Variants in ADIPOR1 observed in about 807,000 individuals in gnomAD.
ADIPOR1 encodes the protein adiponectin receptor 1.
In ADIPOR1, 15 loss-of-function variants were observed where a neutral mutation model predicts 37.5. The observed-to-expected ratio is 0.40, with a 90% CI of 0.27 to 0.62. The LOEUF (loss-of-function observed/expected upper bound fraction) is 0.62. Among genes scored for constraint, ADIPOR1 ranks in the 20% least tolerant of loss-of-function variants. The pLI is 0.42. For synonymous variants in ADIPOR1, 173 were observed against 173.2 expected, an observed-to-expected ratio of 1.00 and a Z score of 0.01; for missense variants, 286 against 478.0, an observed-to-expected ratio of 0.60 and a Z score of 3.75.
chr1:202,944,800 G>C, intron 5 of ADIPOR1, 183 bp downstream of exon 5: 1 of 527,616 alleles, frequency 1.9e-6, no homozygotes, highest in Non-Finnish European at 3.4e-6. Flanking sequence ...CAGTAAGTCT[G>C]TTCATGAAGT....
At chr1:202,944,043 T>C in intron 5 of ADIPOR1, 98 bp from the exon 6 acceptor site, 1 of 1,121,488 alleles carries the variant, frequency 8.9e-7, no homozygotes, top group South Asian at 1.5e-5. Context: ...CTCCCAGATT[T>C]AACCATTCCC....
At chr1:202,949,351 C>T (rs1017990274) in intron 2 of ADIPOR1, among the ~76,000 whole-genome samples, 7 of 151,156 alleles carry the variant, frequency 4.6e-5, no homozygotes, top group African/African-American at 7.3e-5. Context: ...GAGGCCGAGG[C>T]GGGCGGATCA....
At chr1:202,942,497 T>C (rs1190766690) in intron 6 of ADIPOR1, among the ~76,000 whole-genome samples, 2 of 152,190 alleles carry the variant, frequency 1.3e-5, no homozygotes, top group Non-Finnish European at 2.9e-5. Context: ...GTAAAAATGG[T>C]ATGTCAAGAC....
intron 2 of ADIPOR1, among the ~76,000 whole-genome samples, chr1:202,950,638 C>A (rs1036890112): frequency 2.0e-5 from 3 of 152,092 alleles, no homozygotes; most frequent in Non-Finnish European, 4.4e-5. Context: ...TGAAGTCAAA[C>A]CTAATCCTAA....
At chr1:202,953,948 G>A (rs1052542682) in intron 1 of ADIPOR1, among the ~76,000 whole-genome samples, 16 of 152,236 alleles carry the variant, frequency 1.1e-4, no homozygotes, top group African/African-American at 3.4e-4. Flanking sequence ...AGGGTCCAAA[G>A]ATCATGTGCA....
intron 2 of ADIPOR1, among the ~76,000 whole-genome samples, chr1:202,949,206 T>G (rs532321678): frequency 6.6e-6 from 1 of 152,004 alleles, no homozygotes; most frequent in East Asian, 1.9e-4. Context: ...AAACTTTGTA[T>G]CTACAGCAGC....
chr1:202,946,659 C>T, intron 3 of ADIPOR1, 49 bp from the exon 4 acceptor site: 1 of 1,593,814 alleles, frequency 6.3e-7, no homozygotes, highest in Non-Finnish European at 8.6e-7. Flanking sequence ...AGTACCTTCC[C>T]CAAGGACAAG....
chr1:202,948,453 A>C (rs1420329852), intron 2 of ADIPOR1, 33 bp from the exon 3 acceptor site: 1 of 1,580,190 alleles, frequency 6.3e-7, no homozygotes, highest in African/African-American at 1.3e-5. Flanking sequence ...CAATCCAGGG[A>C]GTCATCTCAT....
intron 1 of ADIPOR1, among the ~76,000 whole-genome samples, chr1:202,952,600 C>T (rs1043468195): frequency 1.3e-5 from 2 of 152,144 alleles, no homozygotes; most frequent in African/African-American, 4.8e-5. Context: ...TTTTCCTGCC[C>T]TTGGACATCA....
chr1:202,947,599 A>C (rs1223364089), intron 3 of ADIPOR1, among the ~76,000 whole-genome samples: 1 of 152,106 alleles, frequency 6.6e-6, no homozygotes, highest in Non-Finnish European at 1.5e-5. Context: ...AAAAACAAAA[A>C]AATTATAAAC....
rs1243442561 is a variant in ADIPOR1, at chr1:202,948,293, A to T, written c.258+11T>A. On this transcript the variant is annotated intron_variant, in intron 3 of 7. Transcript: ENST00000340990. Reference sequence around the variant, plus strand: ...CCTTCCCCTTCCAGGACAGAAGCTCATAGGCCATACCTTGTACACAAACTC... The same window carrying T: ...CCTTCCCCTTCCAGGACAGAAGCTCTTAGGCCATACCTTGTACACAAACTC... 1 of 1,591,090 alleles carries T rather than the reference A, an allele frequency of 6.3e-7. No homozygotes were observed. Among genetic ancestry groups the T allele is most frequent in the African/African-American group, 1.3e-5 (1 of 74,334 alleles).
At chr1:202,944,015 C>T (rs2102482635) in intron 5 of ADIPOR1, 70 bp from the exon 6 acceptor site, 1 of 1,386,584 alleles carries the variant, frequency 7.2e-7, no homozygotes, top group African/African-American at 1.4e-5. Flanking sequence ...TTAACTAGCT[C>T]TTTCTGTTCT....
At position 202,948,337 on chromosome 1, in the gene ADIPOR1, G is replaced by A. The variant is rs150127027; in HGVS notation, c.225C>T (p.His75=). Residue 75 remains histidine (H), a synonymous_variant, in exon 3 of 8, where the codon CAC becomes CAT. Transcript: ENST00000340990. Reference sequence around the variant, plus strand: ...CAAACTCTTCCATCTTCTCCATGGCGTGGTGGGCTTGCAGGGGAAGTGTCA... The same window carrying A: ...CAAACTCTTCCATCTTCTCCATGGCATGGTGGGCTTGCAGGGGAAGTGTCA... The part of the protein sequence containing the change: ...RVLTLPLQAH[H]AMEKMEEFVY... 2.3e-5 allele frequency: 37 copies of A among 1,613,580 alleles called. No individual in the cohort carries two copies. The highest frequency in any genetic ancestry group is 1.5e-4 in the African/African-American group (11 of 74,854).
chr1:202,956,295 G>C (rs1654780659), intron 1 of ADIPOR1, among the ~76,000 whole-genome samples: 1 of 152,228 alleles, frequency 6.6e-6, no homozygotes, highest in African/African-American at 2.4e-5. Context: ...GGATAATGTA[G>C]CAGGAGTGTT....
chr1:202,955,529 C>T (rs975792167), intron 1 of ADIPOR1, among the ~76,000 whole-genome samples: 1 of 151,222 alleles, frequency 6.6e-6, no homozygotes, highest in Non-Finnish European at 1.5e-5. Flanking sequence ...GCAAACTTTG[C>T]TAATGTCATG....
At chr1:202,944,024 C>T (rs1654205756) in intron 5 of ADIPOR1, 79 bp from the exon 6 acceptor site, 5 of 1,282,708 alleles carry the variant, frequency 3.9e-6, no homozygotes, top group Admixed American at 2.2e-5. Context: ...TCTTTCTGTT[C>T]TCCACCTGCT....
chr1:202,953,063 C>A (rs139733433), intron 1 of ADIPOR1, among the ~76,000 whole-genome samples: 1 of 152,216 alleles, frequency 6.6e-6, no homozygotes, highest in African/African-American at 2.4e-5. Context: ...TCATAGTGAA[C>A]AATTGAGCTA....
At chr1:202,946,707 G>A in intron 3 of ADIPOR1, 97 bp from the exon 4 acceptor site, 1 of 1,276,816 alleles carries the variant, frequency 7.8e-7, no homozygotes, top group Middle Eastern at 2.5e-4. Context: ...TGTCAGTCAG[G>A]CTCTGAATGG....
Position 202,946,592 on chromosome 1 carries a change from T to G in ADIPOR1, c.277A>C (p.Arg93=), listed in dbSNP as rs1474964396. The change falls in exon 4 of 8, where the codon AGG becomes CGG. Residue 93 remains arginine, a synonymous_variant. Transcript: ENST00000340990. ...GGGAGCACATCATATGGGATGACCC[T>G]CCAACGTCCCTCCCAGACCTAGAAC... ...FVYKVWEGRW[R]VIPYDVLPDW... The G allele has an allele frequency of 6.2e-7, 1 of 1,613,912 alleles. No homozygotes were observed. Among genetic ancestry groups the G allele is most frequent in the Admixed American group, 1.7e-5 (1 of 59,980 alleles).
Sources: gnomAD v4.1 joint callset for allele counts (sites outside exome capture counted in the v4.1 genomes callset) on GRCh38, gnomAD v4.1.1 for gene constraint, MANE v1.5 for transcripts, NCBI Gene and HGNC (gene_info 2026-07-23, HGNC 2026-07-21) for gene names.